The following SHQ1 variants were observed in gnomAD, a reference collection of about 807,000 sequenced individuals.
The protein encoded by SHQ1 is SHQ1, H/ACA ribonucleoprotein assembly factor.
A neutral mutation model predicts 53.8 loss-of-function variants in SHQ1; 49 were observed. The observed-to-expected ratio is 0.91, with a 90% CI of 0.72 to 1.16. The LOEUF (loss-of-function observed/expected upper bound fraction) is 1.16, where lower values mean the gene tolerates loss of function less well. Among genes scored for constraint, SHQ1 ranks in the 50% most tolerant of loss-of-function variants. The pLI is 0.00. For missense variants in SHQ1, 738 were observed against 683.1 expected, an observed-to-expected ratio of 1.08 and a Z score of -0.90; for synonymous variants, 243 against 251.0, an observed-to-expected ratio of 0.97 and a Z score of 0.30.
chr3:72,751,535 T>TATATATATAC lies in SHQ1; in HGVS notation c.1182-700_1182-699insGTATATATAT, dbSNP rs1444853961. On this transcript the variant is annotated intron_variant, in intron 10 of 10. Coordinates refer to ENST00000325599, the MANE Select transcript of SHQ1 (RefSeq NM_018130.3). ...ATATATATATATATATATATACATATACATACACTAATAAAGCCTAACTCT... is the reference window on the plus strand; with the variant it reads ...ATATATATATATATATATATACATATATATATATACACATACACTAATAAAGCCTAACTCT... 4.2e-4 allele frequency among the ~76,000 whole-genome samples: 59 copies of TATATATATAC among 139,924 alleles called. 1 individual carries two copies. Among genetic ancestry groups the TATATATATAC allele is most frequent in the Middle Eastern group, 3.5e-3 (1 of 282 alleles). The allele number at this position is 139,924 out of a possible 152,430, so 91.8% of individuals were successfully genotyped here. A position where few individuals can be genotyped will look rare whatever the true frequency, so the allele number is the denominator to read the frequency against.
At position 72,848,241 on chromosome 3, in the gene SHQ1, C is replaced by A. The variant is rs1445794495; in HGVS notation, c.100G>T (p.Glu34Ter). ...GCGTAGAACTTGAAGTCAGACCCCT[C>A]GAAGTAGACGTCGAACTCGGAGACC... ...ARVSEFDVYFEGSDFKFYAKP... is the reference protein window; with the variant it reads ...ARVSEFDVYF Residue 34 changes from glutamate (E) to a stop codon, truncating the protein, a stop_gained, in exon 1 of 11, where the codon GAG becomes TAG. Transcript: ENST00000325599. LOFTEE classifies it high-confidence loss of function. 1.9e-6 allele frequency: 3 copies of A among 1,614,064 alleles called. No homozygotes were observed. The highest frequency in any genetic ancestry group is 2.5e-6 in the Non-Finnish European group (3 of 1,180,038).
chr3:72,774,251 C>T (rs1433845478), intron 10 of SHQ1, among the ~76,000 whole-genome samples: 2 of 152,190 alleles, frequency 1.3e-5, no homozygotes, highest in East Asian at 3.8e-4. Context: ...GATTTTCACA[C>T]ACCTCTTTCA....
At chr3:72,726,061 A>G in the SHQ1 span, among the ~76,000 whole-genome samples, 2 of 152,180 alleles carry the variant, frequency 1.3e-5, no homozygotes. Flanking sequence ...TGAGCCCCAG[A>G]GTTTGAGACC....
At position 72,765,559 on chromosome 3, in the gene SHQ1, T is replaced by TATA. The variant is rs1559662676; in HGVS notation, c.1182-14724_1182-14723insTAT. Among the ~76,000 whole-genome samples the TATA allele has an allele frequency of 7.2e-3, 713 of 98,590 alleles. 3 individuals are homozygous for TATA. Among genetic ancestry groups the TATA allele is most frequent in the Non-Finnish European group, 9.1e-3 (512 of 56,156 alleles). 64.7% of individuals were successfully genotyped at this position (98,590 alleles called of 152,430 possible). ...TATATATATATATATATATATATAT[T>TATA]TTTTTTTTTTTTTTGAGACAGTCTC... On this transcript the variant is annotated intron_variant, in intron 10 of 10. Coordinates refer to ENST00000325599, the MANE Select transcript of SHQ1 (RefSeq NM_018130.3).
chr3:72,801,358 T>G (rs527757639), intron 9 of SHQ1, among the ~76,000 whole-genome samples: 1 of 152,176 alleles, frequency 6.6e-6, no homozygotes, highest in Non-Finnish European at 1.5e-5. Context: ...GTGGTTTTAA[T>G]TAAAACAATT....
chr3:72,753,322 C>T, intron 10 of SHQ1: 1 of 985,376 alleles, frequency 1.0e-6, no homozygotes, highest in Non-Finnish European at 1.2e-6. Context: ...CCCATAATAT[C>T]AGGAAAATGA....
chr3:72,814,444 T>C (rs1199089463), intron 8 of SHQ1: 4 of 152,226 alleles, frequency 2.6e-5, no homozygotes, highest in African/African-American at 4.8e-5. Context: ...AATTCTGTCT[T>C]TCTAATGAGC....
intron 10 of SHQ1, among the ~76,000 whole-genome samples, chr3:72,761,133 G>A (rs1349357342): frequency 6.6e-6 from 1 of 152,076 alleles, no homozygotes; most frequent in African/African-American, 2.4e-5. Flanking sequence ...TCCCAAGAAG[G>A]TGGGGGAAAT....
the SHQ1 span, among the ~76,000 whole-genome samples, chr3:72,741,307 C>A: frequency 2.0e-5 from 3 of 151,738 alleles, no homozygotes; most frequent in Non-Finnish European, 4.4e-5. Flanking sequence ...GAGAGGAGGC[C>A]AGGCACAGTG....
chr3:72,748,098 T>A (rs571213499), downstream of SHQ1, among the ~76,000 whole-genome samples: 9 of 151,568 alleles, frequency 5.9e-5, no homozygotes, highest in Non-Finnish European at 1.2e-4. Context: ...TCATAAGGCA[T>A]GGTGGAGCAC....
intron 10 of SHQ1, among the ~76,000 whole-genome samples, chr3:72,761,210 C>T (rs372700171): frequency 2.0e-5 from 3 of 151,990 alleles, no homozygotes; most frequent in Admixed American, 6.6e-5. Flanking sequence ...CTTGTTCCAT[C>T]GCCCAGGCTG....
chr3:72,749,834 T>C lies in SHQ1; in HGVS notation c.*450A>G, dbSNP rs958496836. 8.9e-6 allele frequency: 2 copies of C among 224,278 alleles called. No individual in the cohort carries two copies. The highest frequency in any genetic ancestry group is 2.2e-5 in the African/African-American group (1 of 44,768). 13.9% of individuals were successfully genotyped at this position (224,278 alleles called of 1,614,324 possible). ...AACAAAAGGTATAAACATTCATTGGTTGAAAAACAATGTCATAAAGTTGTC... is the reference window on the plus strand; with the variant it reads ...AACAAAAGGTATAAACATTCATTGGCTGAAAAACAATGTCATAAAGTTGTC... On this transcript the variant is annotated 3_prime_UTR_variant, in exon 11 of 11. Coordinates refer to ENST00000325599, the MANE Select transcript of SHQ1 (RefSeq NM_018130.3).
chr3:72,833,123 C>T (rs1419429204), intron 4 of SHQ1, among the ~76,000 whole-genome samples: 5 of 152,044 alleles, frequency 3.3e-5, no homozygotes, highest in Non-Finnish European at 5.9e-5. Flanking sequence ...GATTTTGGAC[C>T]ATTTCAGATT....
intron 10 of SHQ1, among the ~76,000 whole-genome samples, chr3:72,767,817 T>C (rs1350014172): frequency 6.6e-6 from 1 of 152,212 alleles, no homozygotes; most frequent in African/African-American, 2.4e-5. Context: ...CATGGTTAGG[T>C]GGTTGCCAGA....
At chr3:72,828,619 C>T (rs558467862) in intron 5 of SHQ1, among the ~76,000 whole-genome samples, 6 of 151,994 alleles carry the variant, frequency 3.9e-5, no homozygotes, top group Non-Finnish European at 7.4e-5. Flanking sequence ...ACTTGAACCC[C>T]GGGAGGCAGA....
chr3:72,813,145 T>C (rs1707177387), intron 8 of SHQ1, among the ~76,000 whole-genome samples: 1 of 152,208 alleles, frequency 6.6e-6, no homozygotes, highest in African/African-American at 2.4e-5. Context: ...CATGTTTTTG[T>C]CAGCTAAGGC....
chr3:72,805,016 C>T (rs1300840872), intron 9 of SHQ1, among the ~76,000 whole-genome samples: 2 of 152,174 alleles, frequency 1.3e-5, no homozygotes, highest in African/African-American at 4.8e-5. Flanking sequence ...CCACTACACA[C>T]CTAGGCTATG....
At chr3:72,735,797 G>T in the SHQ1 span, among the ~76,000 whole-genome samples, 1 of 116,190 alleles carries the variant, frequency 8.6e-6, no homozygotes, top group South Asian at 3.0e-4. Context: ...AGGCAGGCAG[G>T]CATTTTACTG....
chr3:72,843,960 TTC>T (rs1311970475), intron 2 of SHQ1, among the ~76,000 whole-genome samples: 8 of 152,244 alleles, frequency 5.3e-5, no homozygotes, highest in Non-Finnish European at 1.2e-4. Flanking sequence ...CATGCATAGT[TTC>T]TCTCTCACCT....
Sources: gnomAD v4.1 joint callset for allele counts (sites outside exome capture counted in the v4.1 genomes callset) on GRCh38, gnomAD v4.1.1 for gene constraint, MANE v1.5 for transcripts, NCBI Gene and HGNC (gene_info 2026-07-23, HGNC 2026-07-21) for gene names.